Variants in C7orf78 observed in about 807,000 individuals in gnomAD.
C7orf78 encodes chromosome 7 open reading frame 78.
At chr7:12,528,840 G>C in the C7orf78 span, 7 of 397,382 alleles carry the variant, frequency 1.8e-5, no homozygotes, top group Non-Finnish European at 3.1e-5. Flanking sequence ...ATACATCTGA[G>C]AGACATCATG....
the C7orf78 span, among the ~76,000 whole-genome samples, chr7:12,538,745 G>A: frequency 1.3e-5 from 2 of 151,930 alleles, no homozygotes; most frequent in Non-Finnish European, 2.9e-5. Flanking sequence ...CCCTCCATAC[G>A]GCTCACCAAA....
the C7orf78 span, among the ~76,000 whole-genome samples, chr7:12,498,414 G>A: frequency 1.1e-4 from 17 of 151,052 alleles, no homozygotes; most frequent in East Asian, 3.3e-3. Flanking sequence ...TGAAAACCAA[G>A]GCTCGAGAAC....
At chr7:12,510,355 C>A in the C7orf78 span, among the ~76,000 whole-genome samples, 2 of 151,974 alleles carry the variant, frequency 1.3e-5, no homozygotes, top group Non-Finnish European at 1.5e-5. Context: ...TGGCTAATTT[C>A]TGTACTTTTT....
the C7orf78 span, among the ~76,000 whole-genome samples, chr7:12,511,616 C>G: frequency 2.6e-5 from 4 of 152,100 alleles, no homozygotes; most frequent in East Asian, 7.7e-4. Context: ...TTAGGTATTT[C>G]TTTGTAGCTA....
At chr7:12,536,436 G>C in the C7orf78 span, among the ~76,000 whole-genome samples, 1 of 152,118 alleles carries the variant, frequency 6.6e-6, no homozygotes, top group African/African-American at 2.4e-5. Flanking sequence ...CGGGGACCCT[G>C]GTCCTGGCCC....
At chr7:12,534,981 A>AGGAAGGAG in the C7orf78 span, among the ~76,000 whole-genome samples, 32 of 139,464 alleles carry the variant, frequency 2.3e-4, no homozygotes, top group African/African-American at 9.1e-4. Context: ...GAAGGAGGGA[A>AGGAAGGAG]GGAAGGAAGG....
the C7orf78 span, among the ~76,000 whole-genome samples, chr7:12,521,454 C>G: frequency 1.3e-5 from 2 of 151,812 alleles, no homozygotes; most frequent in Non-Finnish European, 2.9e-5. Context: ...ATATGACCTT[C>G]TTTCATAAAC....
the C7orf78 span, among the ~76,000 whole-genome samples, chr7:12,535,793 A>G: frequency 6.6e-6 from 1 of 152,208 alleles, no homozygotes; most frequent in African/African-American, 2.4e-5. Flanking sequence ...GTCAAAACAA[A>G]GGGGCTACAG....
the C7orf78 span, chr7:12,507,053 C>CT: frequency 2.5e-6 from 1 of 394,654 alleles, no homozygotes; most frequent in Admixed American, 3.0e-5. Flanking sequence ...GTAATCCCAG[C>CT]ACTTTGGGAG....
At chr7:12,485,949 G>T in the C7orf78 span, among the ~76,000 whole-genome samples, 29 of 152,178 alleles carry the variant, frequency 1.9e-4, no homozygotes, top group African/African-American at 7.0e-4. Context: ...ACTAAATCAC[G>T]AAATCCTCTT....
At chr7:12,510,183 G>T in the C7orf78 span, among the ~76,000 whole-genome samples, 1 of 151,854 alleles carries the variant, frequency 6.6e-6, no homozygotes, top group African/African-American at 2.4e-5. Context: ...GGGAGGGTGG[G>T]GGGGTTTCTT....
the C7orf78 span, among the ~76,000 whole-genome samples, chr7:12,496,106 T>C: frequency 1.3e-5 from 2 of 152,128 alleles, no homozygotes; most frequent in African/African-American, 4.8e-5. Flanking sequence ...TTTGTATTTT[T>C]AGTAGAGACG....
the C7orf78 span, among the ~76,000 whole-genome samples, chr7:12,497,169 A>G: frequency 6.6e-6 from 1 of 152,256 alleles, no homozygotes; most frequent in Non-Finnish European, 1.5e-5. Context: ...ACTAGCCCGA[A>G]TCAAATAAAC....
the C7orf78 span, among the ~76,000 whole-genome samples, chr7:12,513,228 C>CTT: frequency 6.7e-6 from 1 of 149,936 alleles, no homozygotes; most frequent in Non-Finnish European, 1.5e-5. Flanking sequence ...GTCTTTCTCT[C>CTT]TTTCTTTCCT....
the C7orf78 span, among the ~76,000 whole-genome samples, chr7:12,504,216 C>T: frequency 6.6e-6 from 1 of 152,282 alleles, no homozygotes; most frequent in East Asian, 1.9e-4. Context: ...TATTCATGTG[C>T]TCTCTTTCTG....
the C7orf78 span, among the ~76,000 whole-genome samples, chr7:12,517,122 A>T: frequency 6.6e-6 from 1 of 151,988 alleles, no homozygotes; most frequent in South Asian, 2.1e-4. Flanking sequence ...CATAATTCCC[A>T]TGTGTTATGG....
At chr7:12,496,057 G>T in the C7orf78 span, among the ~76,000 whole-genome samples, 1 of 152,000 alleles carries the variant, frequency 6.6e-6, no homozygotes, top group Non-Finnish European at 1.5e-5. Context: ...TCCAGAGTAG[G>T]TGCAACTACA....
the C7orf78 span, among the ~76,000 whole-genome samples, chr7:12,515,112 T>G: frequency 6.6e-6 from 1 of 152,178 alleles, no homozygotes; most frequent in African/African-American, 2.4e-5. Flanking sequence ...GTGCCTTCGC[T>G]AACACTATGT....
chr7:12,518,333 A>C, the C7orf78 span, among the ~76,000 whole-genome samples: 1 of 152,110 alleles, frequency 6.6e-6, no homozygotes, highest in African/African-American at 2.4e-5. Context: ...CAGTTGAGCC[A>C]ATTATCAGGC....
Sources: gnomAD v4.1 joint callset for allele counts (sites outside exome capture counted in the v4.1 genomes callset) on GRCh38, gnomAD v4.1.1 for gene constraint, MANE v1.5 for transcripts, NCBI Gene and HGNC (gene_info 2026-07-23, HGNC 2026-07-21) for gene names.